Variants in SPATA13 observed in about 807,000 individuals in gnomAD.
The protein encoded by SPATA13 is spermatogenesis associated 13, also known as spermatogenesis-associated protein 13.
A neutral mutation model predicts 104.0 loss-of-function variants in SPATA13; 50 were observed. The observed-to-expected ratio is 0.48, with a 90% CI of 0.38 to 0.61. The LOEUF is 0.61. Ranked by LOEUF, SPATA13 falls within the 20% of genes least tolerant of loss-of-function variation. The pLI, the probability that SPATA13 is intolerant of heterozygous loss-of-function variation, is 0.00. For synonymous variants in SPATA13, 606 were observed against 667.5 expected, an observed-to-expected ratio of 0.91 and a Z score of 1.42; for missense variants, 1,524 against 1,690.6, an observed-to-expected ratio of 0.90 and a Z score of 1.73.
intron 1 of SPATA13, among the ~76,000 whole-genome samples, chr13:24,184,563 G>T (rs957126350): frequency 6.6e-6 from 1 of 152,154 alleles, no homozygotes; most frequent in Non-Finnish European, 1.5e-5. Context: ...TGTTTAACTT[G>T]TTGATTTTTT....
At chr13:24,284,073 TC>T in intron 4 of SPATA13, 61 bp from the exon 5 acceptor site, 4 of 1,547,728 alleles carry the variant, frequency 2.6e-6, no homozygotes, top group Non-Finnish European at 3.5e-6. Context: ...AATTTTTTCA[TC>T]ATATGAAAAA....
chr13:24,212,551 G>T (rs1871084522), intron 1 of SPATA13, among the ~76,000 whole-genome samples: 5 of 152,196 alleles, frequency 3.3e-5, no homozygotes, highest in Admixed American at 3.3e-4. Flanking sequence ...TTGGGACTTA[G>T]AGAGTTGATT....
intron 2 of SPATA13, among the ~76,000 whole-genome samples, chr13:24,238,252 G>C (rs1312940515): frequency 1.3e-5 from 2 of 148,496 alleles, no homozygotes; most frequent in Non-Finnish European, 3.0e-5. Context: ...CGCCTCCCGG[G>C]TTCAAGCGAT....
intron 4 of SPATA13, among the ~76,000 whole-genome samples, chr13:24,263,453 T>C (rs1358805007): frequency 6.6e-6 from 1 of 152,306 alleles, no homozygotes; most frequent in African/African-American, 2.4e-5. Flanking sequence ...TATACAGTCA[T>C]CCCTGGTTGT....
intron 1 of SPATA13, among the ~76,000 whole-genome samples, chr13:24,164,569 G>A (rs886634344): frequency 4.6e-5 from 7 of 152,202 alleles, no homozygotes; most frequent in Admixed American, 3.3e-4. Flanking sequence ...TCTGTGTTCT[G>A]TGGTTTAGGT....
chr13:24,283,139 C>T lies in SPATA13; in HGVS notation c.2165-996C>T, dbSNP rs376780083. Among the ~76,000 whole-genome samples the T allele has an allele frequency of 3.3e-5, 5 of 152,318 alleles. No homozygotes were observed. The East Asian group carries it at 5.8e-4, about 18-fold the overall frequency. The stretch of plus-strand genomic sequence containing the variant: ...ATCGGGCCATCGCACTGTTCTGAGT[C>T]GCCTGCTCCTCTTCCAGGAAGCCTT... On this transcript the variant is annotated intron_variant, in intron 4 of 12. Transcript: ENST00000382108.
rs533679138 is a variant in SPATA13, at chr13:24,120,864, C to G, written c.-111-101955C>G. Among the ~76,000 whole-genome samples the G allele has an allele frequency of 4.6e-5, 7 of 152,316 alleles. No individual in the cohort carries two copies. In the South Asian group the frequency reaches 1.2e-3, roughly 27 times the overall value. ...AAACATGGTTGGAGGGAAAAGTACA[C>G]TGAGTTCTATTCACAAAGGTGAACT... is the stretch of plus-strand genomic sequence containing the variant. On this transcript the variant is annotated intron_variant, in intron 3 of 14. Coordinates refer to the SPATA13 transcript ENST00000424834.
rs906873612 is a variant in SPATA13, at chr13:24,099,575, C to T, written c.-112+81874C>T. Among the ~76,000 whole-genome samples, 14 of 152,284 alleles carry T rather than the reference C, an allele frequency of 9.2e-5. No homozygotes were observed. The South Asian group carries it at 1.0e-3, about 11-fold the overall frequency. On this transcript the variant is annotated intron_variant, in intron 3 of 14. Coordinates refer to the SPATA13 transcript ENST00000424834. ...GCATCCACAAGCACTGGCCTCACAG[C>T]GTGGGAAACAGACAGGTGTCCCGGG...
At chr13:24,195,414 T>G (rs1350090569) in intron 1 of SPATA13, among the ~76,000 whole-genome samples, 1 of 152,196 alleles carries the variant, frequency 6.6e-6, no homozygotes, top group Non-Finnish European at 1.5e-5. Context: ...CTGTGAACAC[T>G]CATGTACAAG....
At chr13:24,096,866 C>T (rs1880102001) in intron 3 of SPATA13, among the ~76,000 whole-genome samples, 1 of 152,184 alleles carries the variant, frequency 6.6e-6, no homozygotes, top group South Asian at 2.1e-4. Flanking sequence ...GTGGAGGCCA[C>T]ACAGAGGACT....
At chr13:24,146,270 G>A (rs556161419) in intron 3 of SPATA13, among the ~76,000 whole-genome samples, 78 of 152,266 alleles carry the variant, frequency 5.1e-4, no homozygotes, top group African/African-American at 1.6e-3. Context: ...CAATTAAATC[G>A]GGGCACTCCA....
chr13:24,059,184 G>A (rs187594636), intron 3 of SPATA13, among the ~76,000 whole-genome samples: 3 of 151,726 alleles, frequency 2.0e-5, no homozygotes, highest in Non-Finnish European at 4.4e-5. Context: ...TGTTAGCCAG[G>A]ATGGTCTCGA....
intron 3 of SPATA13, among the ~76,000 whole-genome samples, chr13:24,081,139 G>A (rs566374657): frequency 6.6e-6 from 1 of 152,146 alleles, no homozygotes; most frequent in Non-Finnish European, 1.5e-5. Context: ...TACTGTCAAA[G>A]ACCTCCATTT....
chr13:24,123,412 G>T (rs1881105157), intron 3 of SPATA13: 3 of 1,301,544 alleles, frequency 2.3e-6, no homozygotes, highest in Non-Finnish European at 3.4e-6. Context: ...CTGAAGAGGG[G>T]GAGTACATGA....
chr13:24,131,585 A>T (rs891025267), intron 3 of SPATA13, among the ~76,000 whole-genome samples: 1 of 152,270 alleles, frequency 6.6e-6, no homozygotes, highest in Non-Finnish European at 1.5e-5. Flanking sequence ...AAGACATTTC[A>T]GTGGCTTATG....
chr13:24,014,976 C>T (rs1314693153), intron 2 of SPATA13, among the ~76,000 whole-genome samples: 1 of 147,106 alleles, frequency 6.8e-6, no homozygotes, highest in Non-Finnish European at 1.5e-5. Flanking sequence ...CTGCAAGCTC[C>T]ACTTCCTGGG....
At chr13:23,990,414 A>C (rs765121887) in intron 2 of SPATA13, among the ~76,000 whole-genome samples, 2 of 151,516 alleles carry the variant, frequency 1.3e-5, no homozygotes, top group Non-Finnish European at 2.9e-5. Context: ...TCCTTCCTAC[A>C]CTCCACTGTT....
chr13:24,080,735 G>C (rs1593316657), intron 3 of SPATA13, among the ~76,000 whole-genome samples: 1 of 152,334 alleles, frequency 6.6e-6, no homozygotes, highest in Middle Eastern at 3.4e-3. Context: ...GTAGGGCACA[G>C]ACTCATCTTC....
chr13:24,028,971 T>A (rs1022473672), intron 3 of SPATA13, among the ~76,000 whole-genome samples: 3 of 152,222 alleles, frequency 2.0e-5, no homozygotes, highest in Non-Finnish European at 4.4e-5. Context: ...CCTAAAGTCC[T>A]GGTGAGCCTG....
Sources: gnomAD v4.1 joint callset for allele counts (sites outside exome capture counted in the v4.1 genomes callset) on GRCh38, gnomAD v4.1.1 for gene constraint, MANE v1.5 for transcripts, NCBI Gene and HGNC (gene_info 2026-07-23, HGNC 2026-07-21) for gene names.